Variants in VPS8 observed in about 807,000 individuals in gnomAD.
VPS8 encodes VPS8 subunit of CORVET complex, also known as vacuolar protein sorting-associated protein 8 homolog.
VPS8 carries 129 observed loss-of-function variants against 216.4 expected under a neutral mutation model. The observed-to-expected ratio is 0.60, with a 90% confidence interval of 0.52 to 0.69. The LOEUF (loss-of-function observed/expected upper bound fraction) is 0.69. VPS8 is among the 30% of genes least tolerant of loss of function. VPS8 has a pLI of 0.00. For synonymous variants in VPS8, 571 were observed against 565.4 expected, an observed-to-expected ratio of 1.01 and a Z score of -0.14; for missense variants, 1,531 against 1,683.5, an observed-to-expected ratio of 0.91 and a Z score of 1.59.
At chr3:184,940,418 A>G (rs1360631154) in intron 36 of VPS8, among the ~76,000 whole-genome samples, 175 bp downstream of exon 36, 1 of 152,198 alleles carries the variant, frequency 6.6e-6, no homozygotes, top group Non-Finnish European at 1.5e-5. Context: ...TCTGAACGAT[A>G]GATTATATCT....
chr3:184,940,299 A>C, intron 36 of VPS8, 56 bp downstream of exon 36: 1 of 739,466 alleles, frequency 1.4e-6, no homozygotes, highest in Non-Finnish European at 1.8e-6. Flanking sequence ...TGAGAAATAA[A>C]AGGAAATAAA....
chr3:184,948,342 T>C (rs1006299907), intron 36 of VPS8, among the ~76,000 whole-genome samples: 18 of 151,704 alleles, frequency 1.2e-4, no homozygotes, highest in Non-Finnish European at 2.6e-4. Flanking sequence ...TAAGACCCCA[T>C]CTCTAAAACA....
At chr3:184,875,191 G>A (rs997452982) in intron 21 of VPS8, among the ~76,000 whole-genome samples, 1 of 149,836 alleles carries the variant, frequency 6.7e-6, no homozygotes, top group African/African-American at 2.5e-5. Context: ...CTCTGTCACA[G>A]TCAAAATACT....
intron 47 of VPS8, 136 bp from the exon 48 acceptor site, chr3:185,051,740 C>T: frequency 9.2e-7 from 1 of 1,084,820 alleles, no homozygotes; most frequent in Non-Finnish European, 1.3e-6. Context: ...GATATATGGA[C>T]CTAAGATTCA....
At chr3:185,021,194 A>T (rs1366143962) in intron 45 of VPS8, among the ~76,000 whole-genome samples, 1 of 152,242 alleles carries the variant, frequency 6.6e-6, no homozygotes, top group Non-Finnish European at 1.5e-5. Flanking sequence ...GTTCAACATT[A>T]TTAAGGCCCT....
chr3:184,941,441 T>C (rs952537341), intron 36 of VPS8, among the ~76,000 whole-genome samples: 3 of 148,906 alleles, frequency 2.0e-5, no homozygotes, highest in Admixed American at 6.7e-5. Flanking sequence ...TTTTTTTAAA[T>C]TCCTATTAAT....
intron 21 of VPS8, among the ~76,000 whole-genome samples, chr3:184,884,778 A>G (rs975735422): frequency 1.3e-5 from 2 of 152,200 alleles, no homozygotes; most frequent in Non-Finnish European, 2.9e-5. Context: ...CAGCAAACCT[A>G]CACGATAGGA....
At position 184,921,156 on chromosome 3, in the gene VPS8, T is replaced by C. The variant is rs548196334; in HGVS notation, c.2454+958T>C. On this transcript the variant is annotated intron_variant, in intron 29 of 47. Transcript: ENST00000625842. ...ATACTCTTCCATGGCTTCCTATTGGTCATTTGGAATTGAGTTCTGCTGTGA... is the reference window on the plus strand; with the variant it reads ...ATACTCTTCCATGGCTTCCTATTGGCCATTTGGAATTGAGTTCTGCTGTGA... Among the ~76,000 whole-genome samples, 125 of 152,306 alleles carry C rather than the reference T, an allele frequency of 8.2e-4. 1 individual carries two copies. The highest frequency in any genetic ancestry group is 1.7e-3 in the Non-Finnish European group (114 of 68,032).
chr3:185,004,564 C>G (rs1018529012), intron 45 of VPS8, among the ~76,000 whole-genome samples: 1 of 152,074 alleles, frequency 6.6e-6, no homozygotes, highest in Non-Finnish European at 1.5e-5. Context: ...GCCATTCTTG[C>G]AGGAGTAAAG....
chr3:184,983,805 G>T, intron 42 of VPS8, among the ~76,000 whole-genome samples: 1 of 124,694 alleles, frequency 8.0e-6, no homozygotes, highest in Admixed American at 1.0e-4. Context: ...CACATACAAA[G>T]CAAACCGTAA....
In VPS8 at chr3:184,936,515, C is replaced by CTGTGTGTGTGTGTGTGTG. The variant is rs59011109; in HGVS notation, c.2988+209_2988+226dup. Among the ~76,000 whole-genome samples, 41 of 119,438 alleles carry CTGTGTGTGTGTGTGTGTG rather than the reference C, an allele frequency of 3.4e-4. 1 individual carries two copies. Among genetic ancestry groups the CTGTGTGTGTGTGTGTGTG allele is most frequent in the Middle Eastern group, 4.4e-3 (1 of 228 alleles). The allele number at this position is 119,438 out of a possible 152,430, so 78.4% of individuals were successfully genotyped here. A position where few individuals can be genotyped will look rare whatever the true frequency, so the allele number is the denominator to read the frequency against. The stretch of plus-strand genomic sequence containing the variant: ...TTTCTTTAATGGCACCAACCTAATA[C>CTGTGTGTGTGTGTGTGTG]TGTGTGTGTGTGTGTGTGTGTGTGT... On this transcript the variant is annotated intron_variant, in intron 35 of 47. Coordinates refer to ENST00000625842, the MANE Select transcript of VPS8 (RefSeq NM_001009921.3).
At chr3:184,829,707 C>CT (rs1353959071) in intron 3 of VPS8, among the ~76,000 whole-genome samples, 13 of 152,086 alleles carry the variant, frequency 8.5e-5, no homozygotes, top group Admixed American at 6.5e-5. Flanking sequence ...GTCTTTTTCA[C>CT]TTTCATTCTT....
intron 7 of VPS8, chr3:184,840,374 A>G (rs1297860116): frequency 1.3e-5 from 2 of 152,190 alleles, no homozygotes; most frequent in African/African-American, 4.8e-5. Context: ...ATGTATGAGT[A>G]GAATATTTTG....
chr3:184,922,092 C>G (rs1351655161), intron 29 of VPS8, among the ~76,000 whole-genome samples: 1 of 152,198 alleles, frequency 6.6e-6, no homozygotes, highest in Non-Finnish European at 1.5e-5. Context: ...TCACTAGACT[C>G]TCTGTGGTGT....
chr3:184,814,738 T>C (rs1715932753), intron 1 of VPS8, among the ~76,000 whole-genome samples: 2 of 152,262 alleles, frequency 1.3e-5, no homozygotes, highest in Admixed American at 1.3e-4. Context: ...CCTAGGACAT[T>C]ATTGTACACT....
intron 40 of VPS8, among the ~76,000 whole-genome samples, chr3:184,981,648 C>T (rs776628734): frequency 2.6e-5 from 4 of 152,038 alleles, no homozygotes; most frequent in African/African-American, 4.8e-5. Context: ...GTTGCCCAGG[C>T]TGGTCTTGAG....
At chr3:184,896,402 A>C (rs1336661747) in intron 23 of VPS8, among the ~76,000 whole-genome samples, 1 of 152,068 alleles carries the variant, frequency 6.6e-6, no homozygotes, top group South Asian at 2.1e-4. Flanking sequence ...TGCTCCCCTC[A>C]GTTTCTTATG....
chr3:185,042,413 A>G (rs1057247951), intron 46 of VPS8, among the ~76,000 whole-genome samples: 1 of 152,236 alleles, frequency 6.6e-6, no homozygotes, highest in Non-Finnish European at 1.5e-5. Flanking sequence ...ACAAAAGGAA[A>G]ACGTAATTAT....
intron 37 of VPS8, among the ~76,000 whole-genome samples, chr3:184,962,754 TG>T (rs1746741168): frequency 6.6e-6 from 1 of 151,666 alleles, no homozygotes; most frequent in South Asian, 2.1e-4. Context: ...TGTGTGTGTG[TG>T]TGTGTGTGTG....
Sources: gnomAD v4.1 joint callset for allele counts (sites outside exome capture counted in the v4.1 genomes callset) on GRCh38, gnomAD v4.1.1 for gene constraint, MANE v1.5 for transcripts, NCBI Gene and HGNC (gene_info 2026-07-23, HGNC 2026-07-21) for gene names.